Variants in LARS2 observed in about 807,000 individuals in gnomAD.
LARS2 encodes the protein leucyl-tRNA synthetase 2, mitochondrial.
In LARS2, 81 loss-of-function variants were observed where a neutral mutation model predicts 116.6. The ratio of observed to expected loss-of-function variants is 0.69; its 90% confidence interval spans 0.58 to 0.84. LARS2 has a LOEUF of 0.84. Among genes scored for constraint, LARS2 ranks in the 40% least tolerant of loss-of-function variants. The pLI is 0.00. For synonymous variants in LARS2, 396 were observed against 407.2 expected, an observed-to-expected ratio of 0.97 and a Z score of 0.33; for missense variants, 968 against 1,114.5, an observed-to-expected ratio of 0.87 and a Z score of 1.87.
intron 10 of LARS2, among the ~76,000 whole-genome samples, chr3:45,480,684 T>G (rs1431108771): frequency 6.6e-6 from 1 of 152,196 alleles, no homozygotes; most frequent in African/African-American, 2.4e-5. Context: ...TGGATTTTAA[T>G]TGTGTTGTTT....
intron 15 of LARS2, among the ~76,000 whole-genome samples, chr3:45,510,427 C>T (rs1011088313): frequency 2.0e-5 from 3 of 151,970 alleles, no homozygotes. Context: ...AAAAAATCAT[C>T]CTCCTACTCC....
chr3:45,497,236 G>A (rs1380092669), intron 14 of LARS2, among the ~76,000 whole-genome samples: 1 of 151,876 alleles, frequency 6.6e-6, no homozygotes, highest in Non-Finnish European at 1.5e-5. Flanking sequence ...GTTTTTCATT[G>A]TAAATCTTTC....
intron 15 of LARS2, among the ~76,000 whole-genome samples, chr3:45,510,353 G>A (rs557947498): frequency 1.3e-5 from 2 of 152,198 alleles, no homozygotes; most frequent in South Asian, 2.1e-4. Context: ...GACTGAGGCT[G>A]CAGTGAGCTG....
At chr3:45,457,455 G>T (rs942101525) in intron 7 of LARS2, among the ~76,000 whole-genome samples, 1 of 152,180 alleles carries the variant, frequency 6.6e-6, no homozygotes, top group Non-Finnish European at 1.5e-5. Flanking sequence ...AAGGCGGGTG[G>T]ATCACCTGAG....
chr3:45,523,265 G>A (rs1224393420), intron 19 of LARS2, among the ~76,000 whole-genome samples: 1 of 152,312 alleles, frequency 6.6e-6, no homozygotes, highest in East Asian at 1.9e-4. Flanking sequence ...GGGTCCCTAA[G>A]TAGGGTATAG....
chr3:45,542,548 C>G (rs1339802611), intron 21 of LARS2, among the ~76,000 whole-genome samples: 1 of 152,182 alleles, frequency 6.6e-6, no homozygotes, highest in Non-Finnish European at 1.5e-5. Context: ...GTGAATATCT[C>G]TTAAATATGC....
intron 4 of LARS2, among the ~76,000 whole-genome samples, chr3:45,410,113 G>T (rs947097175): frequency 6.6e-6 from 1 of 152,150 alleles, no homozygotes; most frequent in African/African-American, 2.4e-5. Flanking sequence ...TGCCATTTTG[G>T]CAGTTCTGAC....
At chr3:45,475,146 A>G (rs1486137086) in intron 9 of LARS2, among the ~76,000 whole-genome samples, 2 of 152,116 alleles carry the variant, frequency 1.3e-5, no homozygotes, top group African/African-American at 4.8e-5. Flanking sequence ...ACCTGCCCTC[A>G]CTTTCGTCCC....
In LARS2 at chr3:45,474,332, C is replaced by A. The variant is rs773597324; in HGVS notation, c.840C>A (p.His280Gln). The part of the protein sequence containing the change: ...AHWIGDCVGC[H>Q]LDFTLKVHGQ... ...GGATTGGGGACTGTGTGGGCTGCCACCTGGACTTCACATTAAAGGTGATTA... is the reference window on the plus strand; with the variant it reads ...GGATTGGGGACTGTGTGGGCTGCCAACTGGACTTCACATTAAAGGTGATTA... Residue 280 changes from histidine (H) to glutamine (Q), a missense_variant, in exon 9 of 22, where the codon CAC (histidine) becomes CAA (glutamine). His to Gln is a conservative substitution (Grantham distance 24, BLOSUM62 0). Coordinates refer to ENST00000645846, the MANE Select transcript of LARS2 (RefSeq NM_015340.4). 1 of 1,606,454 alleles carries A rather than the reference C, an allele frequency of 6.2e-7. No individual in the cohort carries two copies. The highest frequency in any genetic ancestry group is 2.2e-5 in the East Asian group (1 of 44,744).
At chr3:45,462,631 G>T (rs576367874) in intron 8 of LARS2, among the ~76,000 whole-genome samples, 6 of 152,174 alleles carry the variant, frequency 3.9e-5, no homozygotes, top group Non-Finnish European at 8.8e-5. Context: ...TGAGCTGGAG[G>T]GGGGAAGAGG....
chr3:45,444,833 A>C (rs930267781), intron 6 of LARS2, among the ~76,000 whole-genome samples: 2 of 150,880 alleles, frequency 1.3e-5, no homozygotes, highest in Non-Finnish European at 3.0e-5. Context: ...AATATATATT[A>C]TGTGTTATAT....
intron 11 of LARS2, among the ~76,000 whole-genome samples, chr3:45,486,765 A>G (rs1699821849): frequency 6.6e-6 from 1 of 152,232 alleles, no homozygotes; most frequent in African/African-American, 2.4e-5. Flanking sequence ...TTTTACAATT[A>G]GTAAAATTTA....
intron 12 of LARS2, among the ~76,000 whole-genome samples, chr3:45,490,132 G>C (rs1699889259): frequency 6.6e-6 from 1 of 152,192 alleles, no homozygotes; most frequent in Admixed American, 6.5e-5. Flanking sequence ...CCCCAGACAT[G>C]AGTCATGCTC....
At chr3:45,489,754 C>A (rs575316132) in intron 12 of LARS2, among the ~76,000 whole-genome samples, 1 of 152,298 alleles carries the variant, frequency 6.6e-6, no homozygotes, top group Middle Eastern at 3.4e-3. Flanking sequence ...TAAAATAATA[C>A]TGATGCCTGG....
Position 45,547,782 on chromosome 3 carries a change from C to A in LARS2, c.*252C>A, listed in dbSNP as rs78404793. 5.0e-6 allele frequency: 2 copies of A among 402,458 alleles called. No individual in the cohort carries two copies. Among genetic ancestry groups the A allele is most frequent in the South Asian group, 4.1e-5 (1 of 24,132 alleles). 24.9% of individuals were successfully genotyped at this position (402,458 alleles called of 1,614,324 possible). ...GTTGGACATCCTGCCCCTCACCCCC[C>A]ACCCACACTGCAGGTAGAGGAGGCC... On this transcript the variant is annotated 3_prime_UTR_variant, in exon 22 of 22. Transcript: ENST00000645846.
chr3:45,519,430 G>T (rs1700417937), intron 18 of LARS2, among the ~76,000 whole-genome samples: 1 of 148,736 alleles, frequency 6.7e-6, no homozygotes. Context: ...GGCAGAGGTT[G>T]CAGTGAGCTG....
intron 21 of LARS2, 53 bp downstream of exon 21, chr3:45,542,009 C>T: frequency 1.2e-6 from 2 of 1,602,548 alleles, no homozygotes; most frequent in Non-Finnish European, 1.7e-6. Context: ...CTGCTGGTGG[C>T]CCCTAAATAC....
chr3:45,510,660 G>T (rs192077144), intron 15 of LARS2, among the ~76,000 whole-genome samples: 2 of 152,258 alleles, frequency 1.3e-5, no homozygotes, highest in African/African-American at 4.8e-5. Flanking sequence ...GAGTAAAGAC[G>T]TGGAAGCACA....
intron 8 of LARS2, among the ~76,000 whole-genome samples, chr3:45,472,036 A>G (rs1699537032): frequency 6.6e-6 from 1 of 152,230 alleles, no homozygotes. Flanking sequence ...AACAACATAA[A>G]GTTACTCTGA....
Sources: gnomAD v4.1 joint callset for allele counts (sites outside exome capture counted in the v4.1 genomes callset) on GRCh38, gnomAD v4.1.1 for gene constraint, MANE v1.5 for transcripts, NCBI Gene and HGNC (gene_info 2026-07-23, HGNC 2026-07-21) for gene names.